The following SSU72 variants were observed in gnomAD, a reference collection of about 807,000 sequenced individuals.
SSU72 encodes RNA polymerase II subunit A C-terminal domain phosphatase SSU72.
Under a neutral mutation model 22.7 loss-of-function variants are expected in SSU72, and 12 were observed. That is an observed-to-expected ratio of 0.53 (90% CI 0.34 to 0.86). The LOEUF (loss-of-function observed/expected upper bound fraction) is 0.86. Ranked by LOEUF, SSU72 falls within the 40% of genes least tolerant of loss-of-function variation. SSU72 has a pLI of 0.02. For synonymous variants in SSU72, 116 were observed against 98.3 expected (o/e 1.18, Z -1.06); for missense variants, 151 against 249.8 (o/e 0.60, Z 2.67).
intron 2 of SSU72, among the ~76,000 whole-genome samples, chr1:1,557,564 C>A (rs1212514205): frequency 2.6e-5 from 4 of 152,154 alleles, no homozygotes; most frequent in Non-Finnish European, 4.4e-5. Flanking sequence ...AAGGCCAAAA[C>A]AGGTGGTTCA....
chr1:1,542,189 G>A lies in SSU72; in HGVS notation c.484-22C>T. 2 of 1,562,356 alleles carry A rather than the reference G, an allele frequency of 1.3e-6. No individual in the cohort carries two copies. The highest frequency in any genetic ancestry group is 1.9e-5 in the Admixed American group (1 of 52,068). On this transcript the variant is annotated intron_variant, in intron 4 of 4. Coordinates refer to ENST00000291386, the MANE Select transcript of SSU72 (RefSeq NM_014188.3). This position sits in a 1 kb window ranked among gnomAD's most constrained non-coding sequence, Gnocchi z 4.4. ...GGATCTGCAAGGACAGGACCGTGGT[G>A]AGGGCCTTGCCCACTCCTGCCTGTC...
chr1:1,545,180 G>A, intron 2 of SSU72, 178 bp from the exon 3 acceptor site: 1 of 687,440 alleles, frequency 1.5e-6, no homozygotes, highest in Non-Finnish European at 2.4e-6. Context: ...GTCCTAGGAG[G>A]TCCCACAGAA....
intron 3 of SSU72, 73 bp from the exon 4 acceptor site, chr1:1,544,060 C>T (rs1642359920): frequency 5.2e-6 from 6 of 1,164,796 alleles, no homozygotes; most frequent in Admixed American, 1.8e-5. Context: ...TGGCTGAGTC[C>T]CCAGCTCTGC....
At chr1:1,555,763 C>T (rs1419078649) in intron 2 of SSU72, among the ~76,000 whole-genome samples, 1 of 152,056 alleles carries the variant, frequency 6.6e-6, no homozygotes, top group Non-Finnish European at 1.5e-5. Flanking sequence ...TCTGGGAGGC[C>T]AAGGCAGGCA....
rs950771779 is a variant in SSU72, at chr1:1,559,594, T to C, written c.224+5179A>G. ...CCAGGTATATACACTACTACTATTATTACTACCCTGGCTGGAGTCCAACAG... is the reference window on the plus strand; with the variant it reads ...CCAGGTATATACACTACTACTATTACTACTACCCTGGCTGGAGTCCAACAG... On this transcript the variant is annotated intron_variant, in intron 2 of 4. Transcript: ENST00000291386. 5.3e-5 allele frequency among the ~76,000 whole-genome samples: 8 copies of C among 152,230 alleles called. No homozygotes were observed. In the South Asian group the frequency reaches 6.2e-4, roughly 12 times the overall value.
chr1:1,549,448 A>C (rs940893060), intron 2 of SSU72, among the ~76,000 whole-genome samples: 2 of 150,942 alleles, frequency 1.3e-5, no homozygotes, highest in African/African-American at 4.9e-5. Flanking sequence ...GTGAACCCGG[A>C]GGCGGAGCTT....
chr1:1,571,144 C>T (rs1235545509), intron 1 of SSU72, among the ~76,000 whole-genome samples: 1 of 148,964 alleles, frequency 6.7e-6, no homozygotes, highest in South Asian at 2.1e-4. Flanking sequence ...ACTCAGGAGG[C>T]TGAGGCAGGA....
At chr1:1,571,325 C>A (rs1484079274) in intron 1 of SSU72, among the ~76,000 whole-genome samples, 3 of 135,556 alleles carry the variant, frequency 2.2e-5, no homozygotes, top group Non-Finnish European at 4.6e-5. Flanking sequence ...CCCAGCTACT[C>A]GGAGGGTTTG....
chr1:1,562,583 G>A (rs1642607679), intron 2 of SSU72: 1 of 152,290 alleles, frequency 6.6e-6, no homozygotes, highest in South Asian at 2.1e-4. Flanking sequence ...AGACTCAGAG[G>A]TGAAGATGGG....
Position 1,547,845 on chromosome 1 carries a change from G to A in SSU72, c.225-2843C>T, listed in dbSNP as rs148851726. Among the ~76,000 whole-genome samples, 1,400 of 152,316 alleles carry A rather than the reference G, an allele frequency of 9.2e-3. 18 individuals carry two copies. The highest frequency in any genetic ancestry group is 0.031 in the African/African-American group (1,307 of 41,572). On this transcript the variant is annotated intron_variant, in intron 2 of 4. Coordinates refer to ENST00000291386, the MANE Select transcript of SSU72 (RefSeq NM_014188.3). ...GCCGGGCGGGAGGAAGGGGAGAGAG[G>A]CGCCATCGGAACAGAAACCTGTCCC...
chr1:1,552,412 C>T (rs556190691), intron 2 of SSU72, among the ~76,000 whole-genome samples: 135 of 152,234 alleles, frequency 8.9e-4, no homozygotes, highest in Non-Finnish European at 1.8e-3. Context: ...GAGCAGGAAC[C>T]TGCCTGGGAC....
In SSU72 at chr1:1,554,844, G is replaced by GCCCCACGCAC. The variant is rs1642501242; in HGVS notation, c.225-9843_225-9842insGTGCGTGGGG. ...CCTGGGTTCCCTGCTGCCGGCGCCA[G>GCCCCACGCAC]CCCCACGTACCCCCGACCACCTCAG... On this transcript the variant is annotated intron_variant, in intron 2 of 4. Transcript: ENST00000291386. The surrounding 1 kb of genome is among the most constrained non-coding windows in gnomAD (Gnocchi z 4.1). Among the ~76,000 whole-genome samples, 1 of 152,154 alleles carries GCCCCACGCAC rather than the reference G, an allele frequency of 6.6e-6. No individual in the cohort carries two copies. The highest frequency in any genetic ancestry group is 6.6e-5 in the Admixed American group (1 of 15,266).
chr1:1,566,972 C>A (rs1570398787), intron 1 of SSU72, among the ~76,000 whole-genome samples: 1 of 152,182 alleles, frequency 6.6e-6, no homozygotes, highest in South Asian at 2.1e-4. Flanking sequence ...TGGGGCAACA[C>A]CCAGCAAGTG....
chr1:1,544,865 T>C lies in SSU72; in HGVS notation c.362A>G (p.Glu121Gly). ...CEERVYDQVV[E>G]DLNSREQETC... ...CCAGCACGCAGCCGCCTCCTCACCT[T>C]CCACCACCTGGTCATACACTCTCTC... The change falls in exon 3 of 5, where the codon GAA (glutamate) becomes GGA (glycine). Residue 121 changes from glutamate (E) to glycine (G), a missense_variant and splice_region_variant. Glu to Gly is a moderately conservative substitution (Grantham distance 98, BLOSUM62 -2). Transcript: ENST00000291386. 1 of 1,614,134 alleles carries C rather than the reference T, an allele frequency of 6.2e-7. No individual in the cohort carries two copies. The highest frequency in any genetic ancestry group is 8.5e-7 in the Non-Finnish European group (1 of 1,180,012).
At chr1:1,557,367 T>C (rs962385649) in intron 2 of SSU72, among the ~76,000 whole-genome samples, 3 of 148,644 alleles carry the variant, frequency 2.0e-5, no homozygotes, top group African/African-American at 7.4e-5. Flanking sequence ...GAGCCGAGAT[T>C]GCACCACTGC....
intron 1 of SSU72, among the ~76,000 whole-genome samples, chr1:1,571,346 G>A (rs975586629): frequency 6.2e-5 from 9 of 145,286 alleles, no homozygotes; most frequent in Non-Finnish European, 4.5e-5. Flanking sequence ...AAGGAGAATC[G>A]CTTCAACCTG....
At chr1:1,561,539 G>A (rs1342027945) in intron 2 of SSU72, 1 of 152,348 alleles carries the variant, frequency 6.6e-6, no homozygotes, top group East Asian at 1.9e-4. Flanking sequence ...GCTCTCACTT[G>A]TAACAGTCAC....
chr1:1,544,737 C>T, intron 3 of SSU72, 126 bp downstream of exon 3: 1 of 1,396,568 alleles, frequency 7.2e-7, no homozygotes, highest in Non-Finnish European at 1.0e-6. Context: ...GTGCTTCACA[C>T]TCAGGTCTGC....
intron 1 of SSU72, among the ~76,000 whole-genome samples, chr1:1,567,786 G>A (rs574619434): frequency 6.6e-6 from 1 of 151,774 alleles, no homozygotes; most frequent in Non-Finnish European, 1.5e-5. Flanking sequence ...GGTGGCACAC[G>A]CCTGTAATCC....
Sources: allele counts gnomAD v4.1 joint callset (sites outside exome capture counted in the v4.1 genomes callset), GRCh38; gene constraint gnomAD v4.1.1; non-coding constraint Gnocchi (gnomAD v3.1); transcripts MANE v1.5; gene names NCBI Gene and HGNC (gene_info 2026-07-23, HGNC 2026-07-21).